The following PPP4R1 variants were observed in gnomAD, a reference collection of about 807,000 sequenced individuals.
PPP4R1 encodes protein phosphatase 4 regulatory subunit 1.
A neutral mutation model predicts 111.2 loss-of-function variants in PPP4R1; 42 were observed. The ratio of observed to expected loss-of-function variants is 0.38; its 90% CI spans 0.29 to 0.49. The LOEUF (loss-of-function observed/expected upper bound fraction) is 0.49. Ranked by LOEUF, PPP4R1 falls within the 20% of genes least tolerant of loss-of-function variation. The pLI is 0.97. For missense variants in PPP4R1, 1,012 were observed against 1,161.6 expected, an observed-to-expected ratio of 0.87 and a Z score of 1.87; for synonymous variants, 409 against 405.5, an observed-to-expected ratio of 1.01 and a Z score of -0.10.
chr18:9,616,737 A>G (rs753679525), upstream of PPP4R1, among the ~76,000 whole-genome samples: 11 of 152,236 alleles, frequency 7.2e-5, no homozygotes, highest in Non-Finnish European at 1.3e-4. Flanking sequence ...AATAGGGACT[A>G]TGTACCAAAT....
chr18:9,563,531 G>C lies in PPP4R1; in HGVS notation c.1593C>G (p.Ser531=). ...PDVKAQVEVL[S]AALRASSLDA... ...CCAGGCTGGAAGCACGTAGTGCAGC[G>C]GACAGCACTTCCACTTGTGCTACAG... Residue 531 remains serine, a synonymous_variant, in exon 12 of 20, where the codon TCC becomes TCG. Transcript: ENST00000400556. 1 of 1,597,072 alleles carries C rather than the reference G, an allele frequency of 6.3e-7. No homozygotes were observed. The highest frequency in any genetic ancestry group is 8.5e-7 in the Non-Finnish European group (1 of 1,171,564).
At position 9,614,182 on chromosome 18, in the gene PPP4R1, G is replaced by A. The variant is rs1484033064; in HGVS notation, c.52+44C>T. 1.1e-5 allele frequency: 14 copies of A among 1,308,626 alleles called. No individual in the cohort carries two copies. Among genetic ancestry groups the A allele is most frequent in the East Asian group, 3.5e-5 (1 of 28,358 alleles). The allele number at this position is 1,308,626 out of a possible 1,614,324, so 81.1% of individuals were successfully genotyped here. A position where few individuals can be genotyped will look rare whatever the true frequency, so the allele number is the denominator to read the frequency against. ...TCGCCGCCGCCCGCCCTCCCCGGCC[G>A]CTCCCCGCGGACTGCCAGGCCACCG... On this transcript the variant is annotated intron_variant, in intron 2 of 19. Coordinates refer to ENST00000400556, the MANE Select transcript of PPP4R1 (RefSeq NM_001042388.3). The surrounding 1 kb of genome is among the most constrained non-coding windows in gnomAD (Gnocchi z 4.1).
chr18:9,611,441 T>C (rs987478695), intron 2 of PPP4R1, among the ~76,000 whole-genome samples: 1 of 152,188 alleles, frequency 6.6e-6, no homozygotes, highest in Non-Finnish European at 1.5e-5. Flanking sequence ...ACCAACCATC[T>C]TGCTCTCTAA....
chr18:9,581,425 G>A (rs754780073), intron 9 of PPP4R1, among the ~76,000 whole-genome samples: 9 of 152,068 alleles, frequency 5.9e-5, no homozygotes. Flanking sequence ...AAAGTGCAAT[G>A]ACTAAAATAA....
intron 2 of PPP4R1, among the ~76,000 whole-genome samples, chr18:9,597,057 C>T (rs62088874): frequency 0.056 from 8,462 of 152,100 alleles, 306 homozygotes; most frequent in Middle Eastern, 0.092. Context: ...TGTTTGAGCA[C>T]GGGAGGTCGA....
chr18:9,588,876 A>G (rs1471179182), intron 4 of PPP4R1, 23 bp from the exon 5 acceptor site: 2 of 1,609,546 alleles, frequency 1.2e-6, no homozygotes, highest in East Asian at 2.2e-5. Context: ...CGGCAATGTG[A>G]GCAAACATGT....
chr18:9,606,275 G>C (rs1235378710), intron 2 of PPP4R1, among the ~76,000 whole-genome samples: 1 of 152,290 alleles, frequency 6.6e-6, no homozygotes, highest in Non-Finnish European at 1.5e-5. Context: ...GCCAACTACA[G>C]CCAGCGAGCC....
At chr18:9,550,453 A>T (rs2066471241) in intron 16 of PPP4R1, 55 bp from the exon 17 acceptor site, 9 of 1,520,768 alleles carry the variant, frequency 5.9e-6, no homozygotes, top group Non-Finnish European at 8.1e-6. Context: ...GACAAATGAA[A>T]ATAGGTTACC....
chr18:9,568,934 T>G (rs1039426722), intron 11 of PPP4R1, among the ~76,000 whole-genome samples: 2 of 151,594 alleles, frequency 1.3e-5, no homozygotes, highest in Non-Finnish European at 2.9e-5. Context: ...ACTTGAGAGG[T>G]TGAGGCCAAA....
chr18:9,610,867 T>TACACACACACACACACAC (rs60173784), intron 2 of PPP4R1, among the ~76,000 whole-genome samples: 16 of 149,896 alleles, frequency 1.1e-4, no homozygotes, highest in Middle Eastern at 3.4e-3. Context: ...AAATTATGTG[T>TACACACACACACACACAC]ACACACACAC....
intron 9 of PPP4R1, among the ~76,000 whole-genome samples, chr18:9,577,623 C>T (rs1452039096): frequency 6.6e-6 from 1 of 152,134 alleles, no homozygotes; most frequent in Non-Finnish European, 1.5e-5. Context: ...GCCGTGATCA[C>T]ACCACTGTAC....
At chr18:9,568,534 TGTAA>T in intron 11 of PPP4R1, among the ~76,000 whole-genome samples, 1 of 152,254 alleles carries the variant, frequency 6.6e-6, no homozygotes, top group East Asian at 1.9e-4. Context: ...TGTATGTACA[TGTAA>T]GTCTTTTTAG....
rs772977040 is a variant in PPP4R1, at chr18:9,584,490, A to G, written c.759+25T>C. 1.9e-6 allele frequency: 3 copies of G among 1,596,736 alleles called. No individual in the cohort carries two copies. In the South Asian group the frequency reaches 3.4e-5, roughly 18 times the overall value. Reference sequence around the variant, plus strand: ...TACTACTTTGTAACACACACTGTTTACTCCTTTATATCTGCAATACTTACC... The same window carrying G: ...TACTACTTTGTAACACACACTGTTTGCTCCTTTATATCTGCAATACTTACC... On this transcript the variant is annotated intron_variant, in intron 8 of 19. Coordinates refer to ENST00000400556, the MANE Select transcript of PPP4R1 (RefSeq NM_001042388.3).
chr18:9,613,965 G>A, intron 2 of PPP4R1: 1 of 261,004 alleles, frequency 3.8e-6, no homozygotes, highest in Non-Finnish European at 7.3e-6. Context: ...GGCGATTCGG[G>A]GGCGCCGGGA....
chr18:9,577,041 A>C, intron 10 of PPP4R1, 23 bp downstream of exon 10: 1 of 1,495,334 alleles, frequency 6.7e-7, no homozygotes, highest in Non-Finnish European at 9.1e-7. Context: ...TTTTAAAATT[A>C]GAAAATGGTT....
intron 2 of PPP4R1, among the ~76,000 whole-genome samples, chr18:9,602,106 T>G (rs961381686): frequency 6.6e-6 from 1 of 152,152 alleles, no homozygotes; most frequent in Admixed American, 6.5e-5. Context: ...ACAACTGTCA[T>G]AGCTCCAGAA....
upstream of PPP4R1, among the ~76,000 whole-genome samples, chr18:9,616,538 C>T (rs2067690246): frequency 6.6e-6 from 1 of 152,160 alleles, no homozygotes; most frequent in Non-Finnish European, 1.5e-5. Context: ...TCTCCCAAAG[C>T]ACCAGGATTA....
intron 11 of PPP4R1, among the ~76,000 whole-genome samples, chr18:9,565,167 C>T (rs1364338284): frequency 1.3e-5 from 2 of 152,044 alleles, no homozygotes; most frequent in Non-Finnish European, 2.9e-5. Context: ...TTGCTATATC[C>T]GCTATGGTGA....
At chr18:9,550,588 C>T (rs919820296) in intron 16 of PPP4R1, 190 bp from the exon 17 acceptor site, 15 of 632,042 alleles carry the variant, frequency 2.4e-5, no homozygotes, top group Non-Finnish European at 4.0e-5. Context: ...AATGCACTTA[C>T]ATGCTATTCA....
Sources: allele counts gnomAD v4.1 joint callset (sites outside exome capture counted in the v4.1 genomes callset), GRCh38; gene constraint gnomAD v4.1.1; non-coding constraint Gnocchi (gnomAD v3.1); transcripts MANE v1.5; gene names NCBI Gene and HGNC (gene_info 2026-07-23, HGNC 2026-07-21).